PAX7: variants seen among roughly 807,000 people sequenced by gnomAD.
PAX7 encodes paired box protein Pax-7.
Under a neutral mutation model 50.7 loss-of-function variants are expected in PAX7, and 18 were observed. The ratio of observed to expected loss-of-function variants is 0.36; its 90% confidence interval spans 0.25 to 0.53. The LOEUF (loss-of-function observed/expected upper bound fraction) is 0.53. Among genes scored for constraint, PAX7 ranks in the 20% least tolerant of loss-of-function variants. The pLI, the probability that PAX7 is intolerant of heterozygous loss-of-function variation, is 0.93. For missense variants in PAX7, 644 were observed against 702.9 expected, an observed-to-expected ratio of 0.92 and a Z score of 0.95; for synonymous variants, 310 against 290.4, an observed-to-expected ratio of 1.07 and a Z score of -0.69.
At chr1:18,652,017 G>A (rs1464665266) in intron 4 of PAX7, among the ~76,000 whole-genome samples, 1 of 152,046 alleles carries the variant, frequency 6.6e-6, no homozygotes, top group Non-Finnish European at 1.5e-5. Context: ...AGGGGGGATT[G>A]TTGGGGGATT....
intron 4 of PAX7, among the ~76,000 whole-genome samples, chr1:18,687,512 T>C (rs2088994588): frequency 1.3e-5 from 2 of 152,206 alleles, no homozygotes; most frequent in Non-Finnish European, 2.9e-5. Flanking sequence ...AGCCTCGGTA[T>C]ACCTATTTGT....
At chr1:18,717,967 G>C (rs1453206270) in intron 7 of PAX7, among the ~76,000 whole-genome samples, 1 of 152,172 alleles carries the variant, frequency 6.6e-6, no homozygotes, top group African/African-American at 2.4e-5. Flanking sequence ...TGACTCGCTG[G>C]ATAGACCACC....
At chr1:18,713,823 G>T (rs2089384615) in intron 7 of PAX7, among the ~76,000 whole-genome samples, 1 of 152,184 alleles carries the variant, frequency 6.6e-6, no homozygotes, top group African/African-American at 2.4e-5. Flanking sequence ...GTGCCGACCA[G>T]ACAGCAGCAA....
At position 18,700,015 on chromosome 1, in the gene PAX7, T is replaced by C. The variant is rs2089197206; in HGVS notation, c.787-638T>C. Among the ~76,000 whole-genome samples, 1 of 151,898 alleles carries C rather than the reference T, an allele frequency of 6.6e-6. No individual in the cohort carries two copies. The highest frequency in any genetic ancestry group is 2.4e-5 in the African/African-American group (1 of 41,316). On this transcript the variant is annotated intron_variant, in intron 5 of 8. Coordinates refer to ENST00000420770, the MANE Select transcript of PAX7 (RefSeq NM_001135254.2). This position sits in a 1 kb window ranked among gnomAD's most constrained non-coding sequence, Gnocchi z 4.8. ...TCTATGTATGGATTGATACGTGAAG[T>C]GCCAGCACAGGAAGGGGAGACAAAA...
intron 4 of PAX7, among the ~76,000 whole-genome samples, chr1:18,686,270 G>C (rs2860130): frequency 0.11 from 16,983 of 152,224 alleles, 1,095 homozygotes; most frequent in Non-Finnish European, 0.14. Context: ...GCTCAGTATG[G>C]ACTGCTCCAC....
chr1:18,728,877 C>CA (rs1026988506), intron 7 of PAX7, among the ~76,000 whole-genome samples: 1 of 149,928 alleles, frequency 6.7e-6, no homozygotes, highest in South Asian at 2.1e-4. Context: ...AAAAAAAAAA[C>CA]AAAAAACTCC....
chr1:18,694,731 G>C (rs2089129200), intron 5 of PAX7, among the ~76,000 whole-genome samples: 2 of 152,104 alleles, frequency 1.3e-5, no homozygotes, highest in South Asian at 4.1e-4. Context: ...CCTTTCCTGA[G>C]ACTTCGTTTC....
Position 18,631,631 on chromosome 1 carries a change from A to G in PAX7, c.28A>G (p.Arg10Gly), listed in dbSNP as rs2088048628. 1.2e-6 allele frequency: 2 copies of G among 1,613,028 alleles called. No homozygotes were observed. Among genetic ancestry groups the G allele is most frequent in the South Asian group, 1.1e-5 (1 of 90,736 alleles). The change falls in exon 1 of 9, where the codon AGA becomes GGA. Residue 10 changes from arginine to glycine, a missense_variant. Transcript: ENST00000420770. ...GGCGGCCCTTCCCGGCACGGTACCG[A>G]GAATGATGCGGCCGGCTCCGGGGCA... MAALPGTVP[R>G]MMRPAPGQNY...
At chr1:18,642,895 AG>A (rs1160148889) in intron 4 of PAX7, among the ~76,000 whole-genome samples, 6 of 130,834 alleles carry the variant, frequency 4.6e-5, no homozygotes, top group Non-Finnish European at 9.4e-5. Flanking sequence ...GTGAGAGCGC[AG>A]GGGGAACTAC....
chr1:18,742,324 ATTTTTGTAT>A (rs1931193089), intron 8 of PAX7, among the ~76,000 whole-genome samples: 1 of 151,894 alleles, frequency 6.6e-6, no homozygotes, highest in African/African-American at 2.4e-5. Context: ...CGTCCGGCTA[ATTTTTGTAT>A]TTTTAGTAGA....
intron 4 of PAX7, among the ~76,000 whole-genome samples, chr1:18,664,534 A>G (rs2088640819): frequency 6.6e-6 from 1 of 152,152 alleles, no homozygotes; most frequent in African/African-American, 2.4e-5. Flanking sequence ...AGCACTTTAC[A>G]GTTTATGAAG....
rs2089670059 is a variant in PAX7 at position 18,733,304 on chromosome 1, T to C, written c.1156-2328T>C. 2.6e-5 allele frequency among the ~76,000 whole-genome samples: 4 copies of C among 152,096 alleles called. No individual in the cohort carries two copies. The South Asian group carries it at 8.3e-4, about 32-fold the overall frequency. The stretch of plus-strand genomic sequence containing the variant: ...CCACAACAAAGATCTCAGAAGCACA[T>C]TCAACACAGAGCGAGTTAGGGAGAC... On this transcript the variant is annotated intron_variant, in intron 7 of 8. Coordinates refer to ENST00000420770, the MANE Select transcript of PAX7 (RefSeq NM_001135254.2).
intron 4 of PAX7, among the ~76,000 whole-genome samples, chr1:18,674,384 A>G (rs531531227): frequency 6.6e-6 from 1 of 152,296 alleles, no homozygotes; most frequent in East Asian, 1.9e-4. Flanking sequence ...CACCAGTGAC[A>G]CACCTGATTG....
chr1:18,670,265 T>G (rs2088724552), intron 4 of PAX7, among the ~76,000 whole-genome samples: 1 of 152,180 alleles, frequency 6.6e-6, no homozygotes, highest in African/African-American at 2.4e-5. Context: ...TAGCTTGGTG[T>G]CCAGCAAATG....
chr1:18,742,144 G>C (rs549930591), intron 8 of PAX7, among the ~76,000 whole-genome samples: 40 of 142,126 alleles, frequency 2.8e-4, no homozygotes, highest in African/African-American at 1.0e-3. Context: ...TAAGAATGAG[G>C]CTTCTTTTTT....
chr1:18,714,123 C>T (rs2089388201), intron 7 of PAX7, among the ~76,000 whole-genome samples: 1 of 152,072 alleles, frequency 6.6e-6, no homozygotes, highest in South Asian at 2.1e-4. Context: ...AGGAGAATTG[C>T]TTGGACCCCG....
At chr1:18,722,201 G>C (rs777612817) in intron 7 of PAX7, among the ~76,000 whole-genome samples, 4 of 152,206 alleles carry the variant, frequency 2.6e-5, no homozygotes, top group Non-Finnish European at 5.9e-5. Flanking sequence ...CAGGGTCATG[G>C]AGTGGGGTCG....
chr1:18,707,239 A>G (rs2089295065), intron 7 of PAX7, among the ~76,000 whole-genome samples: 1 of 152,232 alleles, frequency 6.6e-6, no homozygotes, highest in Middle Eastern at 3.4e-3. Flanking sequence ...GGCATACAGT[A>G]TGTTTAATAC....
At chr1:18,743,875 A>G (rs1258073513) in intron 8 of PAX7, among the ~76,000 whole-genome samples, 1 of 152,228 alleles carries the variant, frequency 6.6e-6, no homozygotes, top group African/African-American at 2.4e-5. Flanking sequence ...AGGTGCACAC[A>G]ACTCACACAC....
Sources: gnomAD v4.1 joint callset for allele counts (sites outside exome capture counted in the v4.1 genomes callset) on GRCh38, gnomAD v4.1.1 for gene constraint, Gnocchi (gnomAD v3.1) non-coding constraint, MANE v1.5 for transcripts, NCBI Gene and HGNC (gene_info 2026-07-23, HGNC 2026-07-21) for gene names.